Variants in CTNND2 observed in about 807,000 individuals in gnomAD.
CTNND2 encodes the protein catenin delta 2.
In CTNND2, 22 loss-of-function variants were observed where a neutral mutation model predicts 144.4. That is an observed-to-expected ratio of 0.15 (90% CI 0.11 to 0.22). The LOEUF is 0.22. CTNND2 is among the 10% of genes least tolerant of loss of function. The pLI is 1.00. For missense variants in CTNND2, 1,353 were observed against 1,618.8 expected (o/e 0.84, Z 2.82); for synonymous variants, 751 against 695.6 (o/e 1.08, Z -1.25).
chr5:11,022,809 T>C lies in CTNND2; in HGVS notation c.2959A>G (p.Ile987Val), dbSNP rs1742412545. The part of the protein sequence containing the change: ...NAKALRDAGG[I>V]EKLVGISKSK... ...TTGGAGATGCCGACCAACTTCTCGA[T>C]GCCACCGGCATCCCGTAAGGCCTTG... is the stretch of plus-strand genomic sequence containing the variant. Residue 987 changes from isoleucine to valine, a missense_variant, in exon 17 of 22, where the codon ATC becomes GTC. Physicochemically the swap from Ile to Val is conservative, Grantham distance 29. Coordinates refer to ENST00000304623, the MANE Select transcript of CTNND2 (RefSeq NM_001332.4). 1 of 1,614,096 alleles carries C rather than the reference T, an allele frequency of 6.2e-7. No individual in the cohort carries two copies. The highest frequency in any genetic ancestry group is 1.3e-5 in the African/African-American group (1 of 74,948).
intron 1 of CTNND2, among the ~76,000 whole-genome samples, chr5:11,744,574 C>T (rs1168470511): frequency 6.6e-6 from 1 of 152,022 alleles, no homozygotes; most frequent in African/African-American, 2.4e-5. Flanking sequence ...AGCAAGTGGG[C>T]TGAGATGCAG....
At chr5:11,369,944 T>A (rs903019380) in intron 7 of CTNND2, among the ~76,000 whole-genome samples, 6 of 152,266 alleles carry the variant, frequency 3.9e-5, no homozygotes, top group African/African-American at 1.2e-4. Context: ...TACACAGAAG[T>A]GATTTTATGT....
chr5:11,108,382 T>A (rs950120920), intron 14 of CTNND2, among the ~76,000 whole-genome samples: 1 of 152,216 alleles, frequency 6.6e-6, no homozygotes, highest in Non-Finnish European at 1.5e-5. Context: ...CTTTTATGCA[T>A]AAAACAGCAC....
At chr5:11,670,063 A>C (rs1189585748) in intron 2 of CTNND2, among the ~76,000 whole-genome samples, 1 of 152,082 alleles carries the variant, frequency 6.6e-6, no homozygotes, top group African/African-American at 2.4e-5. Flanking sequence ...CGTGGTTTTG[A>C]GTGAGTTTCT....
chr5:11,539,976 G>A (rs1340277891), intron 3 of CTNND2, among the ~76,000 whole-genome samples: 3 of 152,192 alleles, frequency 2.0e-5, no homozygotes, highest in Admixed American at 6.5e-5. Context: ...GGAGTTTGCA[G>A]TGAGCTGAGG....
intron 1 of CTNND2, among the ~76,000 whole-genome samples, chr5:11,824,469 C>T (rs924271491): frequency 6.6e-6 from 1 of 152,152 alleles, no homozygotes; most frequent in African/African-American, 2.4e-5. Flanking sequence ...TCCTCCAACT[C>T]ACCATGAGGA....
Position 10,973,622 on chromosome 5 carries a change from G to T in CTNND2, c.3509C>A (p.Ser1170Tyr). The change falls in exon 22 of 22, where the codon TCC (serine) becomes TAC (tyrosine). Residue 1170 changes from serine to tyrosine, a missense_variant. Transcript: ENST00000304623. This position sits in a 1 kb window ranked among gnomAD's most constrained non-coding sequence, Gnocchi z 5.6. ...ATGGTGGACCTGGTCCTCGAAGAAGGACTCATCGTAATTTCTTGTGGAATT... is the reference window on the plus strand; with the variant it reads ...ATGGTGGACCTGGTCCTCGAAGAAGTACTCATCGTAATTTCTTGTGGAATT... ...FQNSTRNYDE[S>Y]FFEDQVHHRP... 1 of 1,614,184 alleles carries T rather than the reference G, an allele frequency of 6.2e-7. No individual in the cohort carries two copies.
intron 1 of CTNND2, among the ~76,000 whole-genome samples, chr5:11,887,095 T>G (rs1194539996): frequency 6.6e-6 from 1 of 150,526 alleles, no homozygotes; most frequent in Non-Finnish European, 1.5e-5. Context: ...TCCATTCTTC[T>G]GCCTCAGCCT....
chr5:11,834,630 A>G lies in CTNND2; in HGVS notation c.37+69187T>C, dbSNP rs565510109. Among the ~76,000 whole-genome samples, 10 of 152,242 alleles carry G rather than the reference A, an allele frequency of 6.6e-5. No individual in the cohort carries two copies. In the East Asian group the frequency reaches 1.9e-3, roughly 29 times the overall value. Reference sequence around the variant, plus strand: ...CAAAGTACTCAGTAAAACTGAATACACAAACACCTATATTCTGCAGGATCT... The same window carrying G: ...CAAAGTACTCAGTAAAACTGAATACGCAAACACCTATATTCTGCAGGATCT... On this transcript the variant is annotated intron_variant, in intron 1 of 21. Coordinates refer to ENST00000304623, the MANE Select transcript of CTNND2 (RefSeq NM_001332.4).
intron 3 of CTNND2, among the ~76,000 whole-genome samples, chr5:11,445,363 C>G (rs968804702): frequency 4.6e-5 from 7 of 152,206 alleles, no homozygotes; most frequent in Non-Finnish European, 7.3e-5. Context: ...GCCTCTATTT[C>G]CAATTAAGGT....
At chr5:11,792,988 C>A (rs1357713247) in intron 1 of CTNND2, among the ~76,000 whole-genome samples, 3 of 152,138 alleles carry the variant, frequency 2.0e-5, no homozygotes, top group African/African-American at 7.2e-5. Flanking sequence ...GATTTCCCAG[C>A]GATGCATTTT....
At chr5:11,250,503 A>C (rs1191591701) in intron 9 of CTNND2, among the ~76,000 whole-genome samples, 1 of 98,618 alleles carries the variant, frequency 1.0e-5, no homozygotes, top group African/African-American at 5.3e-5. Flanking sequence ...ATATATATAT[A>C]TATATATATA....
At chr5:11,700,384 C>T (rs554534771) in intron 2 of CTNND2, among the ~76,000 whole-genome samples, 4 of 152,180 alleles carry the variant, frequency 2.6e-5, no homozygotes, top group African/African-American at 7.2e-5. Flanking sequence ...AGTGAGACTC[C>T]ATCTCCAAAC....
intron 1 of CTNND2, among the ~76,000 whole-genome samples, chr5:11,854,050 A>G (rs1459120821): frequency 1.3e-5 from 2 of 152,190 alleles, no homozygotes; most frequent in Non-Finnish European, 1.5e-5. Context: ...AACCTGGCTG[A>G]GCATTCGTTC....
chr5:11,064,144 G>A (rs147487923), intron 16 of CTNND2, among the ~76,000 whole-genome samples: 79 of 152,272 alleles, frequency 5.2e-4, no homozygotes, highest in African/African-American at 1.5e-3. Context: ...GCATTTATAG[G>A]AAGGTCAAGG....
intron 1 of CTNND2, among the ~76,000 whole-genome samples, chr5:11,839,276 G>C (rs1423953492): frequency 6.6e-6 from 1 of 151,938 alleles, no homozygotes; most frequent in South Asian, 2.1e-4. Flanking sequence ...AATTTGGTCT[G>C]CTAGGGACCA....
chr5:11,318,919 T>TATA (rs1050716181), intron 9 of CTNND2, among the ~76,000 whole-genome samples: 4 of 143,948 alleles, frequency 2.8e-5, no homozygotes, highest in Non-Finnish European at 6.1e-5. Flanking sequence ...TAGAAATGTC[T>TATA]ATAATAATAA....
At chr5:11,113,258 C>T (rs1753189135) in intron 13 of CTNND2, among the ~76,000 whole-genome samples, 2 of 152,142 alleles carry the variant, frequency 1.3e-5, no homozygotes, top group Non-Finnish European at 2.9e-5. Flanking sequence ...AAACTATTTG[C>T]TAAAATACTA....
At chr5:11,390,122 A>C (rs978876800) in intron 6 of CTNND2, among the ~76,000 whole-genome samples, 2 of 152,202 alleles carry the variant, frequency 1.3e-5, no homozygotes, top group Admixed American at 6.5e-5. Flanking sequence ...TTTGTTTTTG[A>C]AGAGCTCTCA....
Sources: gnomAD v4.1 joint callset for allele counts (sites outside exome capture counted in the v4.1 genomes callset) on GRCh38, gnomAD v4.1.1 for gene constraint, Gnocchi (gnomAD v3.1) non-coding constraint, MANE v1.5 for transcripts, NCBI Gene and HGNC (gene_info 2026-07-23, HGNC 2026-07-21) for gene names.